SLC25A35: variants seen among roughly 807,000 people sequenced by gnomAD.
The protein encoded by SLC25A35 is solute carrier family 25 member 35.
In SLC25A35, 32 loss-of-function variants were observed where a neutral mutation model predicts 30.5. The observed-to-expected ratio is 1.05, with a 90% confidence interval of 0.79 to 1.41. The LOEUF is 1.41. Ranked by LOEUF, SLC25A35 falls within the 40% of genes most tolerant of loss-of-function variation. The pLI is 0.00. For synonymous variants in SLC25A35, 142 were observed against 158.1 expected (o/e 0.90, Z 0.77); for missense variants, 369 against 388.0 (o/e 0.95, Z 0.41).
Position 8,294,281 on chromosome 17 carries a change from C to T in SLC25A35, c.375+152G>A, listed in dbSNP as rs1020992636. 1.1e-5 allele frequency: 8 copies of T among 745,340 alleles called. No individual in the cohort carries two copies. In the South Asian group the frequency reaches 1.5e-4, roughly 14 times the overall value. 46.2% of individuals were successfully genotyped at this position (745,340 alleles called of 1,614,324 possible). A position where few individuals can be genotyped will look rare whatever the true frequency, so the allele number is the denominator to read the frequency against. On this transcript the variant is annotated intron_variant, in intron 1 of 4. Transcript: ENST00000577745. ...TCAGATGGGTGTGTATAGGGCAGAT[C>T]AGAAGACTCCGAAGCCTACCAGCAC...
downstream of SLC25A35, chr17:8,287,828 T>G (rs1030614885): frequency 6.6e-6 from 1 of 151,400 alleles, no homozygotes; most frequent in Non-Finnish European, 1.5e-5. Flanking sequence ...GGGGGTGGGG[T>G]TGCACCTGCC....
chr17:8,294,468 C>T lies in SLC25A35; in HGVS notation c.340G>A (p.Val114Ile). 2 of 1,604,558 alleles carry T rather than the reference C, an allele frequency of 1.2e-6. No homozygotes were observed. Among genetic ancestry groups the T allele is most frequent in the Non-Finnish European group, 1.7e-6 (2 of 1,175,330 alleles). ...RSAAAGAMAG[V>I]MGAYLGSPIY... is the part of the protein sequence containing the mutation. Reference sequence around the variant, plus strand: ...GGGCTCCCCAAGTAGGCTCCCATGACCCCAGCCATGGCCCCAGCTGCTGCG... The same window carrying T: ...GGGCTCCCCAAGTAGGCTCCCATGATCCCAGCCATGGCCCCAGCTGCTGCG... Residue 114 changes from valine (V) to isoleucine (I), a missense_variant, in exon 1 of 5, where the codon GTC becomes ATC. By Grantham distance (29) the Val-to-Ile change is conservative. Transcript: ENST00000577745.
chr17:8,293,237 C>G (rs1990625565), intron 1 of SLC25A35, among the ~76,000 whole-genome samples: 1 of 152,142 alleles, frequency 6.6e-6, no homozygotes, highest in South Asian at 2.1e-4. Flanking sequence ...TCACCTATAC[C>G]AGATAACTCA....
At chr17:8,294,393 G>A (rs200931921) in intron 1 of SLC25A35, 40 bp downstream of exon 1, 174 of 1,517,138 alleles carry the variant, frequency 1.1e-4, no homozygotes, top group Non-Finnish European at 1.4e-4. Flanking sequence ...CTACAACGAG[G>A]ATCTGCCCTG....
rs140818558 is a variant in SLC25A35, at chr17:8,294,648, C to A, written c.160G>T (p.Gly54Cys). 47 of 1,614,166 alleles carry A rather than the reference C, an allele frequency of 2.9e-5. No individual in the cohort carries two copies. The African/African-American group carries it at 5.6e-4, about 19-fold the overall frequency. The change falls in exon 1 of 5, where the codon GGC (glycine) becomes TGC (cysteine). Residue 54 changes from glycine (G) to cysteine (C), a missense_variant. Transcript: ENST00000577745. Reference sequence around the variant, plus strand: ...AGGGCAGCAAGGCCATCCACCTTGCCGATGGTGATGAAGGCATGGAAGACA... The same window carrying A: ...AGGGCAGCAAGGCCATCCACCTTGCAGATGGTGATGAAGGCATGGAAGACA... ...RNVFHAFITI[G>C]KVDGLAALQK...
At position 8,290,469 on chromosome 17, in the gene SLC25A35, G is replaced by A. The variant is rs1990396275; in HGVS notation, c.*36C>T. On this transcript the variant is annotated 3_prime_UTR_variant, in exon 5 of 5. Transcript: ENST00000577745. ...TAGTGGTGGAGGCACAAGTGGCCAA[G>A]GAGTGCTCATTTGGTGGAGACTGGG... is the stretch of plus-strand genomic sequence containing the variant. The A allele has an allele frequency of 6.5e-7, 1 of 1,531,826 alleles. No homozygotes were observed. The highest frequency in any genetic ancestry group is 8.7e-7 in the Non-Finnish European group (1 of 1,144,528). The allele number at this position is 1,531,826 out of a possible 1,614,324, so 94.9% of individuals were successfully genotyped here.
chr17:8,293,552 CTTTTTTTT>C lies in SLC25A35; in HGVS notation c.375+873_375+880del, dbSNP rs3033783. On this transcript the variant is annotated intron_variant, in intron 1 of 4. Coordinates refer to ENST00000577745, the MANE Select transcript of SLC25A35 (RefSeq NM_001320870.2). ...AACAACTAGTAATTTTCTTTCTTTT[CTTTTTTTT>C]TTTTTTTTTGAGACGGAGTCTCTCT... Among the ~76,000 whole-genome samples the C allele has an allele frequency of 2.3e-5, 3 of 129,194 alleles. No individual in the cohort carries two copies. The East Asian group carries it at 6.4e-4, about 27-fold the overall frequency. The allele number at this position is 129,194 out of a possible 152,430, so 84.8% of individuals were successfully genotyped here. A position where few individuals can be genotyped will look rare whatever the true frequency, so the allele number is the denominator to read the frequency against.
rs769971761 is a variant in SLC25A35, at chr17:8,294,490, T to C, written c.318A>G (p.Ala106=). 5 of 1,610,792 alleles carry C rather than the reference T, an allele frequency of 3.1e-6. No individual in the cohort carries two copies. In the South Asian group the frequency reaches 5.5e-5, roughly 18 times the overall value. The change falls in exon 1 of 5, where the codon GCA becomes GCG. Residue 106 remains alanine (A), a synonymous_variant. Coordinates refer to ENST00000577745, the MANE Select transcript of SLC25A35 (RefSeq NM_001320870.2). ...AEGTHSPARS[A]AAGAMAGVMG... ...TGACCCCAGCCATGGCCCCAGCTGC[T>C]GCGCTGCGGGCAGGACTGTGGGTGC... is the stretch of plus-strand genomic sequence containing the variant.
chr17:8,290,543 C>T lies in SLC25A35; in HGVS notation c.865G>A (p.Asp289Asn). Reference sequence around the variant, plus strand: ...GTGTAGTAGAGGGAGCGCAGCTGGTCCCAGAAGAAGAGGGAGAGGATGGTG... The same window carrying T: ...GTGTAGTAGAGGGAGCGCAGCTGGTTCCAGAAGAAGAGGGAGAGGATGGTG... Reference protein sequence around the residue: ...PHTILSLFFWDQLRSLYYTDT... With the variant: ...PHTILSLFFWNQLRSLYYTDT... Residue 289 changes from aspartate (D) to asparagine (N), a missense_variant, in exon 5 of 5, where the codon GAC becomes AAC. Asp to Asn is a conservative substitution (Grantham distance 23). Transcript: ENST00000577745. 1.3e-6 allele frequency: 2 copies of T among 1,535,992 alleles called. No individual in the cohort carries two copies. Among genetic ancestry groups the T allele is most frequent in the Non-Finnish European group, 1.7e-6 (2 of 1,146,864 alleles).
At chr17:8,287,863 T>C (rs960291598), downstream of SLC25A35, 1 of 152,084 alleles carries the variant, frequency 6.6e-6, no homozygotes, top group African/African-American at 2.4e-5. Context: ...AGGCAAATAT[T>C]TGAGAGGAAT....
chr17:8,292,241 C>T (rs1455071833), intron 2 of SLC25A35, among the ~76,000 whole-genome samples: 1 of 152,092 alleles, frequency 6.6e-6, no homozygotes, highest in South Asian at 2.1e-4. Context: ...GCCTGTAGTC[C>T]CAAGCTACTC....
rs763367807 is a variant in SLC25A35, at chr17:8,290,979, A to AAG, written c.595-5_595-4dup. 2.5e-6 allele frequency: 4 copies of AAG among 1,613,984 alleles called. No individual in the cohort carries two copies. Among genetic ancestry groups the AAG allele is most frequent in the Non-Finnish European group, 3.4e-6 (4 of 1,179,956 alleles). On this transcript the variant is annotated splice_region_variant and splice_polypyrimidine_tract_variant and intron_variant, in intron 3 of 4. Transcript: ENST00000577745. The stretch of plus-strand genomic sequence containing the variant: ...TTCCAGCTCTGGGGAGGAAAGATCT[A>AAG]AGGGGGTAGAGAGGAAGAGCGTTGT...
rs1472830277 is a variant in SLC25A35, at chr17:8,294,649, G to C, written c.159C>G (p.Ile53Met). The part of the protein sequence containing the change: ...YRNVFHAFIT[I>M]GKVDGLAALQ... Reference sequence around the variant, plus strand: ...GGGCAGCAAGGCCATCCACCTTGCCGATGGTGATGAAGGCATGGAAGACAT... The same window carrying C: ...GGGCAGCAAGGCCATCCACCTTGCCCATGGTGATGAAGGCATGGAAGACAT... The change falls in exon 1 of 5, where the codon ATC becomes ATG. Residue 53 changes from isoleucine (I) to methionine (M), a missense_variant. Physicochemically the swap from Ile to Met is conservative, Grantham distance 10. Coordinates refer to ENST00000577745, the MANE Select transcript of SLC25A35 (RefSeq NM_001320870.2). 1 of 1,614,216 alleles carries C rather than the reference G, an allele frequency of 6.2e-7. No homozygotes were observed. Among genetic ancestry groups the C allele is most frequent in the Admixed American group, 1.7e-5 (1 of 60,024 alleles).
Position 8,295,208 on chromosome 17 carries a change from G to A in SLC25A35, c.-401C>T, listed in dbSNP as rs192402636. On this transcript the variant is annotated 5_prime_UTR_variant, in exon 1 of 5. Coordinates refer to ENST00000577745, the MANE Select transcript of SLC25A35 (RefSeq NM_001320870.2). ...GAGGCAGGAAGAAGAAAGCCAGCAA[G>A]TGAGAGAAGAAAAGGATCCGGGAGA... is the stretch of plus-strand genomic sequence containing the variant. The A allele has an allele frequency of 1.9e-5, 19 of 1,002,216 alleles. No homozygotes were observed. In the South Asian group the frequency reaches 2.2e-4, roughly 12 times the overall value. The allele number at this position is 1,002,216 out of a possible 1,614,324, so 62.1% of individuals were successfully genotyped here.
At chr17:8,291,783 C>T (rs895915825) in intron 2 of SLC25A35, among the ~76,000 whole-genome samples, 2 of 152,214 alleles carry the variant, frequency 1.3e-5, no homozygotes, top group Non-Finnish European at 2.9e-5. Context: ...GGCACGGTGG[C>T]TCACGCCTGT....
intron 1 of SLC25A35, 65 bp downstream of exon 1, chr17:8,294,368 A>G: frequency 6.7e-7 from 1 of 1,488,686 alleles, no homozygotes; most frequent in Non-Finnish European, 8.9e-7. Context: ...CCCTTGGGAA[A>G]GAACAGCTCC....
chr17:8,288,947 T>C (rs1243881682), downstream of SLC25A35: 2 of 1,614,034 alleles, frequency 1.2e-6, no homozygotes, highest in South Asian at 1.1e-5. Context: ...CTGCCTCGCC[T>C]CACTCCAGCG....
rs1174508201 is a variant in SLC25A35 at position 8,295,210 on chromosome 17, GAGAGA to G, written c.-408_-404del. Reference sequence around the variant, plus strand: ...GGCAGGAAGAAGAAAGCCAGCAAGTGAGAGAAGAAAAGGATCCGGGAGAAGAGCCG... The same window carrying G: ...GGCAGGAAGAAGAAAGCCAGCAAGTGAGAAAAGGATCCGGGAGAAGAGCCG... On this transcript the variant is annotated 5_prime_UTR_variant, in exon 1 of 5. Transcript: ENST00000577745. 2 of 1,001,472 alleles carry G rather than the reference GAGAGA, an allele frequency of 2.0e-6. No homozygotes were observed. The highest frequency in any genetic ancestry group is 2.4e-6 in the Non-Finnish European group (2 of 840,854). The allele number at this position is 1,001,472 out of a possible 1,614,324, so 62.0% of individuals were successfully genotyped here. A position where few individuals can be genotyped will look rare whatever the true frequency, so the allele number is the denominator to read the frequency against.
chr17:8,291,032 A>C, intron 3 of SLC25A35, 56 bp from the exon 4 acceptor site: 1 of 1,604,842 alleles, frequency 6.2e-7, no homozygotes. Flanking sequence ...CACCCCAAGG[A>C]CAGGACAGTC....
Sources: allele counts gnomAD v4.1 joint callset (sites outside exome capture counted in the v4.1 genomes callset), GRCh38; gene constraint gnomAD v4.1.1; transcripts MANE v1.5; gene names NCBI Gene and HGNC (gene_info 2026-07-23, HGNC 2026-07-21).